Variants in FNIP1 observed in about 807,000 individuals in gnomAD.
FNIP1 encodes the protein folliculin-interacting protein 1.
A neutral mutation model predicts 124.5 loss-of-function variants in FNIP1; 40 were observed. The observed-to-expected ratio is 0.32, with a 90% CI of 0.25 to 0.42. FNIP1 has a LOEUF of 0.42. Ranked by LOEUF, FNIP1 falls within the 10% of genes least tolerant of loss-of-function variation. The pLI is 1.00. For synonymous variants in FNIP1, 472 were observed against 470.6 expected (o/e 1.00, Z -0.04); for missense variants, 1,176 against 1,403.7 (o/e 0.84, Z 2.59).
chr5:131,696,439 A>G (rs776603686), intron 11 of FNIP1, among the ~76,000 whole-genome samples: 1 of 152,168 alleles, frequency 6.6e-6, no homozygotes, highest in Non-Finnish European at 1.5e-5. Context: ...AGATGCCAGT[A>G]AACTAAAAAA....
At chr5:131,688,582 T>G (rs1469415096) in intron 11 of FNIP1, among the ~76,000 whole-genome samples, 1 of 151,276 alleles carries the variant, frequency 6.6e-6, no homozygotes, top group Non-Finnish European at 1.5e-5. Context: ...AATATGTTTA[T>G]TTTATATAAT....
At chr5:131,650,698 T>C (rs948538387) in intron 16 of FNIP1, among the ~76,000 whole-genome samples, 2 of 152,202 alleles carry the variant, frequency 1.3e-5, no homozygotes, top group African/African-American at 2.4e-5. Flanking sequence ...TTTTTCCTAA[T>C]CTTAGAGAAA....
intron 8 of FNIP1, among the ~76,000 whole-genome samples, chr5:131,708,979 C>T (rs1769204607): frequency 6.6e-6 from 1 of 152,066 alleles, no homozygotes; most frequent in African/African-American, 2.4e-5. Flanking sequence ...AACCAGTGTA[C>T]TTTACTCTGG....
At position 131,644,730 on chromosome 5, in the gene FNIP1, A is replaced by C. The variant is rs780613942; in HGVS notation, c.3456T>G (p.Ala1152=). The change falls in exon 18 of 18, where the codon GCT becomes GCG. Residue 1152 remains alanine (A), a synonymous_variant. Transcript: ENST00000510461. ...CATATGGAGAGTGAGTGCTTGCTAC[A>C]GCAGCCAGAAGTGGAAGATCACTGG... ...IESSDLPLLA[A]VASTHSPYVA... is the part of the protein sequence containing the mutation. The C allele has an allele frequency of 6.2e-7, 1 of 1,613,930 alleles. No homozygotes were observed. The highest frequency in any genetic ancestry group is 1.3e-5 in the African/African-American group (1 of 74,942).
Position 131,730,926 on chromosome 5 carries a change from T to A in FNIP1, c.332A>T (p.Lys111Ile). The change falls in exon 3 of 18, where the codon AAA (lysine) becomes ATA (isoleucine). Residue 111 changes from lysine to isoleucine, a missense_variant. Coordinates refer to ENST00000510461, the MANE Select transcript of FNIP1 (RefSeq NM_133372.3). ...DSSVTSSSDIKDQCLKYQGSR... is the reference protein window; with the variant it reads ...DSSVTSSSDIIDQCLKYQGSR... Reference sequence around the variant, plus strand: ...TACCTGGTACTTAAGACACTGGTCTTTTATATCAGAAGATGAAGTCACAGA... The same window carrying A: ...TACCTGGTACTTAAGACACTGGTCTATTATATCAGAAGATGAAGTCACAGA... The A allele has an allele frequency of 1.2e-6, 2 of 1,607,176 alleles. No individual in the cohort carries two copies. The highest frequency in any genetic ancestry group is 3.4e-5 in the Admixed American group (2 of 58,328).
In FNIP1 at chr5:131,767,427, CAAAAAAAAAA is replaced by C. The variant is rs139550903; in HGVS notation, c.93-22747_93-22738del. 8.1e-3 allele frequency among the ~76,000 whole-genome samples: 520 copies of C among 64,026 alleles called. 2 individuals carry two copies. The highest frequency in any genetic ancestry group is 0.025 in the African/African-American group (506 of 19,890). 42.0% of individuals were successfully genotyped at this position (64,026 alleles called of 152,430 possible). A position where few individuals can be genotyped will look rare whatever the true frequency, so the allele number is the denominator to read the frequency against. On this transcript the variant is annotated intron_variant, in intron 1 of 17. Coordinates refer to ENST00000510461, the MANE Select transcript of FNIP1 (RefSeq NM_133372.3). ...CTGGTGACAGAGTGAGATTCTGTCT[CAAAAAAAAAA>C]AAAAAAAAAAAAAAAAAAAGAAAAG...
intron 1 of FNIP1, among the ~76,000 whole-genome samples, chr5:131,772,977 G>C (rs1475911212): frequency 6.6e-6 from 1 of 152,078 alleles, no homozygotes; most frequent in Non-Finnish European, 1.5e-5. Flanking sequence ...CTGAGCCCCA[G>C]CATTATCTCA....
chr5:131,681,569 A>C (rs1223333785), intron 11 of FNIP1, among the ~76,000 whole-genome samples: 1 of 152,136 alleles, frequency 6.6e-6, no homozygotes, highest in East Asian at 1.9e-4. Flanking sequence ...ACAAAACTCT[A>C]ATGTACATTA....
intron 1 of FNIP1, among the ~76,000 whole-genome samples, chr5:131,791,878 G>GA (rs67593080): frequency 2.0e-5 from 3 of 148,878 alleles, no homozygotes; most frequent in East Asian, 2.0e-4. Context: ...ATTATGGAAA[G>GA]AAAAAAAAAA....
chr5:131,713,133 C>G (rs1013387189), intron 6 of FNIP1, among the ~76,000 whole-genome samples: 2 of 152,136 alleles, frequency 1.3e-5, no homozygotes, highest in African/African-American at 4.8e-5. Context: ...ACTGCAAGCT[C>G]CGCCTCCCGG....
At chr5:131,737,786 T>TA (rs142723987) in intron 2 of FNIP1, among the ~76,000 whole-genome samples, 4,043 of 152,308 alleles carry the variant, frequency 0.027, 190 homozygotes, top group African/African-American at 0.092. Context: ...CACATATTTG[T>TA]GTAATTATCT....
At chr5:131,717,301 T>C (rs979124207) in intron 5 of FNIP1, among the ~76,000 whole-genome samples, 7 of 152,174 alleles carry the variant, frequency 4.6e-5, no homozygotes, top group African/African-American at 1.7e-4. Flanking sequence ...TCCATGTCCC[T>C]ACAAAGGACA....
At chr5:131,653,790 G>A (rs1310821301) in intron 15 of FNIP1, among the ~76,000 whole-genome samples, 2 of 152,066 alleles carry the variant, frequency 1.3e-5, no homozygotes, top group African/African-American at 4.8e-5. Flanking sequence ...AGCCTAGGCT[G>A]GAGTACAGTG....
intron 15 of FNIP1, among the ~76,000 whole-genome samples, chr5:131,666,038 C>T (rs1239937242): frequency 6.6e-6 from 1 of 151,616 alleles, no homozygotes; most frequent in Non-Finnish European, 1.5e-5. Context: ...AGTAGCTCCA[C>T]CACCATGCCT....
intron 1 of FNIP1, among the ~76,000 whole-genome samples, chr5:131,765,547 CTTAAA>C (rs755377956): frequency 6.6e-6 from 1 of 152,146 alleles, no homozygotes; most frequent in African/African-American, 2.4e-5. Flanking sequence ...GCATGCTTTC[CTTAAA>C]AAGAAATCAA....
chr5:131,745,582 A>T (rs564052512), intron 1 of FNIP1, among the ~76,000 whole-genome samples: 105 of 152,216 alleles, frequency 6.9e-4, no homozygotes, highest in African/African-American at 2.4e-3. Context: ...TTTTTTAAAA[A>T]TTTATATATA....
chr5:131,694,686 A>G (rs1768630424), intron 11 of FNIP1, among the ~76,000 whole-genome samples: 1 of 152,200 alleles, frequency 6.6e-6, no homozygotes, highest in South Asian at 2.1e-4. Flanking sequence ...GACATCATAC[A>G]TTTAATAAAA....
At chr5:131,713,917 C>T (rs1350177114) in intron 6 of FNIP1, among the ~76,000 whole-genome samples, 1 of 152,244 alleles carries the variant, frequency 6.6e-6, no homozygotes, top group Non-Finnish European at 1.5e-5. Context: ...TCCCACTTAT[C>T]TGAATCCATT....
At chr5:131,718,278 C>T (rs1228792610) in intron 5 of FNIP1, among the ~76,000 whole-genome samples, 1 of 152,020 alleles carries the variant, frequency 6.6e-6, no homozygotes, top group African/African-American at 2.4e-5. Flanking sequence ...CCAAACAGGT[C>T]TTTTTAAGGC....
Sources: gnomAD v4.1 joint callset for allele counts (sites outside exome capture counted in the v4.1 genomes callset) on GRCh38, gnomAD v4.1.1 for gene constraint, MANE v1.5 for transcripts, NCBI Gene and HGNC (gene_info 2026-07-23, HGNC 2026-07-21) for gene names.